OR5A2: variants seen among roughly 807,000 people sequenced by gnomAD.
OR5A2 encodes olfactory receptor family 5 subfamily A member 2.
For missense variants in OR5A2, 406 were observed against 398.9 expected, an observed-to-expected ratio of 1.02 and a Z score of -0.15; for synonymous variants, 155 against 151.1, an observed-to-expected ratio of 1.03 and a Z score of -0.19.
chr11:59,419,948 T>G lies in OR5A2; in HGVS notation c.*2031A>C, dbSNP rs1565069668. On this transcript the variant is annotated 3_prime_UTR_variant, in exon 2 of 2. Transcript: ENST00000302040. ...AGGGGATTCTCTATAGAATGTGGAT[T>G]TTTCCCACAAGAGACTTTGCAAGGC... The G allele has an allele frequency of 6.6e-6, 1 of 152,156 alleles. No homozygotes were observed. Among genetic ancestry groups the G allele is most frequent in the Non-Finnish European group, 1.5e-5 (1 of 68,024 alleles). The allele number at this position is 152,156 out of a possible 1,614,324, so 9.4% of individuals were successfully genotyped here. A position where few individuals can be genotyped will look rare whatever the true frequency, so the allele number is the denominator to read the frequency against.
rs531090173 is a variant in OR5A2, at chr11:59,419,906, A to C, written c.*2073T>G. 6.6e-6 allele frequency: 1 copy of C among 152,314 alleles called. No homozygotes were observed. The highest frequency in any genetic ancestry group is 1.9e-4 in the East Asian group (1 of 5,178). The allele number at this position is 152,314 out of a possible 1,614,324, so 9.4% of individuals were successfully genotyped here. A position where few individuals can be genotyped will look rare whatever the true frequency, so the allele number is the denominator to read the frequency against. ...ATCTCCTAGATCAGGGAAGGAAGGA[A>C]GGAAAACAAAGTGGAGAGGGGATTC... is the stretch of plus-strand genomic sequence containing the variant. On this transcript the variant is annotated 3_prime_UTR_variant, in exon 2 of 2. Transcript: ENST00000302040.
In OR5A2 at chr11:59,422,783, G is replaced by A; in HGVS notation, c.171C>T (p.His57=). 1 of 1,614,150 alleles carries A rather than the reference G, an allele frequency of 6.2e-7. No homozygotes were observed. The highest frequency in any genetic ancestry group is 8.5e-7 in the Non-Finnish European group (1 of 1,180,010). The change falls in exon 2 of 2, where the codon CAC becomes CAT. Residue 57 remains histidine (H), a synonymous_variant. Transcript: ENST00000302040. ...IALIKMDSHL[H]MPMYFFLSNL... ...TACTGAGGAAGAAGTACATGGGCAT[G>A]TGCAGGTGAGAGTCCATCTTAATGA... is the stretch of plus-strand genomic sequence containing the variant.
intron 1 of OR5A2, chr11:59,425,432 G>T (rs1441178778): frequency 6.6e-6 from 1 of 152,170 alleles, no homozygotes; most frequent in African/African-American, 2.4e-5. Context: ...TATCCCCGGG[G>T]CCAATTTGGG....
Position 59,421,726 on chromosome 11 carries a change from T to G in OR5A2, c.*253A>C, listed in dbSNP as rs1858222579. On this transcript the variant is annotated 3_prime_UTR_variant, in exon 2 of 2. Coordinates refer to ENST00000302040, the MANE Select transcript of OR5A2 (RefSeq NM_001001954.2). ...TATACATACAAACTCTGTTTTAACATTCCAGGATGTTTTTTGTCATGATGA... is the reference window on the plus strand; with the variant it reads ...TATACATACAAACTCTGTTTTAACAGTCCAGGATGTTTTTTGTCATGATGA... 1 of 414,690 alleles carries G rather than the reference T, an allele frequency of 2.4e-6. No individual in the cohort carries two copies. Among genetic ancestry groups the G allele is most frequent in the Non-Finnish European group, 4.3e-6 (1 of 231,924 alleles). The allele number at this position is 414,690 out of a possible 1,614,324, so 25.7% of individuals were successfully genotyped here.
rs1158936369 is a variant in OR5A2, at chr11:59,422,156, G to A, written c.798C>T (p.Ser266=). 1 of 1,614,104 alleles carries A rather than the reference G, an allele frequency of 6.2e-7. No homozygotes were observed. Among genetic ancestry groups the A allele is most frequent in the Admixed American group, 1.7e-5 (1 of 60,010 alleles). ...GFFMYMRPSS[S]YSLNRDKVVS... ...CCACCTTGTCCCTGTTTAGGGAGTAGCTGGAACTGGGTCGCATGTACATGA... is the reference window on the plus strand; with the variant it reads ...CCACCTTGTCCCTGTTTAGGGAGTAACTGGAACTGGGTCGCATGTACATGA... The change falls in exon 2 of 2, where the codon AGC becomes AGT. Residue 266 remains serine (S), a synonymous_variant. Coordinates refer to ENST00000302040, the MANE Select transcript of OR5A2 (RefSeq NM_001001954.2).
rs768510353 is a variant in OR5A2, at chr11:59,422,406, G to T, written c.548C>A (p.Pro183His). ...AGAGCAGGACAGAGCCAGGACTGGA[G>T]GGAGGTCACAGAAAAAGTGGTTGAT... ...YMINHFFCDLPPVLALSCSDT... is the reference protein window; with the variant it reads ...YMINHFFCDLHPVLALSCSDT... The change falls in exon 2 of 2, where the codon CCT becomes CAT. Residue 183 changes from proline to histidine, a missense_variant. By Grantham distance (77) the Pro-to-His change is moderately conservative. Coordinates refer to ENST00000302040, the MANE Select transcript of OR5A2 (RefSeq NM_001001954.2). 6 of 1,614,156 alleles carry T rather than the reference G, an allele frequency of 3.7e-6. No individual in the cohort carries two copies. The highest frequency in any genetic ancestry group is 5.1e-6 in the Non-Finnish European group (6 of 1,180,020).
At position 59,419,668 on chromosome 11, in the gene OR5A2, C is replaced by T. The variant is rs1434658732; in HGVS notation, c.*2311G>A. 2.6e-5 allele frequency: 4 copies of T among 152,190 alleles called. No homozygotes were observed. Among genetic ancestry groups the T allele is most frequent in the Admixed American group, 2.6e-4 (4 of 15,272 alleles). The allele number at this position is 152,190 out of a possible 1,614,324, so 9.4% of individuals were successfully genotyped here. ...ACAACTCAAATTGGAGACTTCCAGGCTATGGGTAAATTTAAACATTTTCTG... is the reference window on the plus strand; with the variant it reads ...ACAACTCAAATTGGAGACTTCCAGGTTATGGGTAAATTTAAACATTTTCTG... On this transcript the variant is annotated 3_prime_UTR_variant, in exon 2 of 2. Coordinates refer to ENST00000302040, the MANE Select transcript of OR5A2 (RefSeq NM_001001954.2).
chr11:59,425,670 T>C (rs1191114314), intron 1 of OR5A2: 1 of 152,218 alleles, frequency 6.6e-6, no homozygotes, highest in Non-Finnish European at 1.5e-5. Flanking sequence ...GCTTAAAGAT[T>C]AGAAGCAAGA....
At chr11:59,424,690 T>A (rs1231302395) in intron 1 of OR5A2, 1 of 152,246 alleles carries the variant, frequency 6.6e-6, no homozygotes, top group African/African-American at 2.4e-5. Flanking sequence ...AAATTAAGGT[T>A]GCTGTATTTT....
chr11:59,423,189 A>G, intron 1 of OR5A2, 145 bp from the exon 2 acceptor site: 1 of 457,852 alleles, frequency 2.2e-6, no homozygotes, highest in Non-Finnish European at 3.9e-6. Context: ...GAATCCATCT[A>G]ATAATAAAGT....
Position 59,421,312 on chromosome 11 carries a change from C to T in OR5A2, c.*667G>A, listed in dbSNP as rs1858217754. 1 of 152,218 alleles carries T rather than the reference C, an allele frequency of 6.6e-6. No individual in the cohort carries two copies. The highest frequency in any genetic ancestry group is 2.4e-5 in the African/African-American group (1 of 41,430). 9.4% of individuals were successfully genotyped at this position (152,218 alleles called of 1,614,324 possible). On this transcript the variant is annotated 3_prime_UTR_variant, in exon 2 of 2. Transcript: ENST00000302040. ...CACTATCATGAATACAACACCAACCCATGAGAGATCCACCCCCATAGATTC... is the reference window on the plus strand; with the variant it reads ...CACTATCATGAATACAACACCAACCTATGAGAGATCCACCCCCATAGATTC...
At position 59,425,883 on chromosome 11, in the gene OR5A2, G is replaced by C. The variant is rs545161629; in HGVS notation, c.-92+288C>G. ...TGGCCTATGACTTACTATATTTGGT[G>C]TGTTACTATTATAAGAACAAAACAC... On this transcript the variant is annotated intron_variant, in intron 1 of 1. Transcript: ENST00000302040. 2.6e-5 allele frequency: 4 copies of C among 152,222 alleles called. No individual in the cohort carries two copies. In the South Asian group the frequency reaches 8.3e-4, roughly 32 times the overall value. 9.4% of individuals were successfully genotyped at this position (152,222 alleles called of 1,614,324 possible).
rs1858207582 is a variant in OR5A2, at chr11:59,420,395, T to A, written c.*1584A>T. 1 of 152,092 alleles carries A rather than the reference T, an allele frequency of 6.6e-6. No homozygotes were observed. Among genetic ancestry groups the A allele is most frequent in the Non-Finnish European group, 1.5e-5 (1 of 68,022 alleles). The allele number at this position is 152,092 out of a possible 1,614,324, so 9.4% of individuals were successfully genotyped here. The stretch of plus-strand genomic sequence containing the variant: ...TTCCTACCAAACTAAGGAAATCTCT[T>A]CTATTTCTTCTATTTGGATAATGAT... On this transcript the variant is annotated 3_prime_UTR_variant, in exon 2 of 2. Coordinates refer to ENST00000302040, the MANE Select transcript of OR5A2 (RefSeq NM_001001954.2).
rs566530554 is a variant in OR5A2 at position 59,417,016 on chromosome 11, T to G, written c.*4963A>C. The G allele has an allele frequency of 6.6e-6, 1 of 152,102 alleles. No homozygotes were observed. Among genetic ancestry groups the G allele is most frequent in the African/African-American group, 2.4e-5 (1 of 41,454 alleles). The allele number at this position is 152,102 out of a possible 1,614,324, so 9.4% of individuals were successfully genotyped here. On this transcript the variant is annotated 3_prime_UTR_variant, in exon 2 of 2. Transcript: ENST00000302040. ...TGTTTTATTAGAACAAACAAGAATA[T>G]ACCATACAATATCAAAGTGATACTT...
intron 1 of OR5A2, chr11:59,425,281 T>G (rs1205501489): frequency 6.6e-6 from 1 of 152,256 alleles, no homozygotes; most frequent in Non-Finnish European, 1.5e-5. Context: ...AAGTGAGTTT[T>G]TCTTGCTGTC....
Position 59,419,142 on chromosome 11 carries a change from C to T in OR5A2, c.*2837G>A, listed in dbSNP as rs1363063341. 1 of 152,118 alleles carries T rather than the reference C, an allele frequency of 6.6e-6. No individual in the cohort carries two copies. Among genetic ancestry groups the T allele is most frequent in the Non-Finnish European group, 1.5e-5 (1 of 68,006 alleles). 9.4% of individuals were successfully genotyped at this position (152,118 alleles called of 1,614,324 possible). On this transcript the variant is annotated 3_prime_UTR_variant, in exon 2 of 2. Transcript: ENST00000302040. ...CTGTGAACCTGAGCCCGCTCTAGTT[C>T]CCTAAGAACTGCTTCTGATATGCAA... is the stretch of plus-strand genomic sequence containing the variant.
At position 59,420,207 on chromosome 11, in the gene OR5A2, G is replaced by C. The variant is rs1311604587; in HGVS notation, c.*1772C>G. On this transcript the variant is annotated 3_prime_UTR_variant, in exon 2 of 2. Transcript: ENST00000302040. The stretch of plus-strand genomic sequence containing the variant: ...CAGGTAGCTACAGATGAGGAAAACA[G>C]AGTTTCTAAATAACTTGGATCAGGC... The C allele has an allele frequency of 1.3e-5, 2 of 152,038 alleles. No homozygotes were observed. The highest frequency in any genetic ancestry group is 4.8e-5 in the African/African-American group (2 of 41,396). The allele number at this position is 152,038 out of a possible 1,614,324, so 9.4% of individuals were successfully genotyped here. A position where few individuals can be genotyped will look rare whatever the true frequency, so the allele number is the denominator to read the frequency against.
chr11:59,422,687 C>T lies in OR5A2; in HGVS notation c.267G>A (p.Glu89=). Residue 89 remains glutamate (E), a synonymous_variant, in exon 2 of 2, where the codon GAG becomes GAA. Coordinates refer to ENST00000302040, the MANE Select transcript of OR5A2 (RefSeq NM_001001954.2). ...APKMLSDIIT[E]QKTISFVGCA... is the part of the protein sequence containing the mutation. ...AGCCAACAAAGGAAATGGTTTTCTG[C>T]TCTGTGATGATGTCAGACAGCATCT... The T allele has an allele frequency of 6.2e-7, 1 of 1,614,178 alleles. No individual in the cohort carries two copies. Among genetic ancestry groups the T allele is most frequent in the Non-Finnish European group, 8.5e-7 (1 of 1,180,030 alleles).
chr11:59,419,103 C>A lies in OR5A2; in HGVS notation c.*2876G>T, dbSNP rs143683862. On this transcript the variant is annotated 3_prime_UTR_variant, in exon 2 of 2. Transcript: ENST00000302040. ...GCATCCAGGTAGCTGATAGAGTTGG[C>A]AAAATGGCCACAGCTGTGAACCTGA... The A allele has an allele frequency of 2.0e-4, 31 of 152,186 alleles. No individual in the cohort carries two copies. The highest frequency in any genetic ancestry group is 6.5e-4 in the African/African-American group (27 of 41,538). 9.4% of individuals were successfully genotyped at this position (152,186 alleles called of 1,614,324 possible). A position where few individuals can be genotyped will look rare whatever the true frequency, so the allele number is the denominator to read the frequency against.
Sources: gnomAD v4.1 joint callset for allele counts on GRCh38, gnomAD v4.1.1 for gene constraint, MANE v1.5 for transcripts, NCBI Gene and HGNC (gene_info 2026-07-23, HGNC 2026-07-21) for gene names.